C6orf136: variants seen among roughly 807,000 people sequenced by gnomAD.
C6orf136 encodes the protein chromosome 6 open reading frame 136.
A neutral mutation model predicts 44.0 loss-of-function variants in C6orf136; 29 were observed. That is an observed-to-expected ratio of 0.66 (90% CI 0.49 to 0.90). C6orf136 has a LOEUF of 0.90. C6orf136 is among the 40% of genes least tolerant of loss of function. The probability of loss-of-function intolerance (pLI) is 0.00; values close to 1 mark genes in which losing one functional copy is unlikely to be tolerated. For missense variants in C6orf136, 628 were observed against 669.3 expected (o/e 0.94, Z 0.68); for synonymous variants, 293 against 278.6 (o/e 1.05, Z -0.52).
At position 30,647,677 on chromosome 6, in the gene C6orf136, A is replaced by G; in HGVS notation, c.446A>G (p.Gln149Arg). Reference sequence around the variant, plus strand: ...GCGCCGTCCCGGAGTTCCCCGGCCCAGACCAGACCCGCGGGGCGCCCTCAG... The same window carrying G: ...GCGCCGTCCCGGAGTTCCCCGGCCCGGACCAGACCCGCGGGGCGCCCTCAG... ...AAAPSRSSPA[Q>R]TRPAGRPQQP... The change falls in exon 1 of 6, where the codon CAG (glutamine) becomes CGG (arginine). Residue 149 changes from glutamine (Q) to arginine (R), a missense_variant. Transcript: ENST00000651131. This position sits in a 1 kb window ranked among gnomAD's most constrained non-coding sequence, Gnocchi z 4.8. 6.5e-7 allele frequency: 1 copy of G among 1,550,138 alleles called. No individual in the cohort carries two copies.
At chr6:30,652,356 T>G (rs1190182939) in intron 4 of C6orf136, among the ~76,000 whole-genome samples, 2 of 151,622 alleles carry the variant, frequency 1.3e-5, no homozygotes, top group Admixed American at 6.6e-5. Context: ...CGCCTGGGAG[T>G]AGAATCCCAA....
intron 1 of C6orf136, among the ~76,000 whole-genome samples, chr6:30,648,124 A>G (rs1161195414): frequency 6.6e-6 from 1 of 152,212 alleles, no homozygotes; most frequent in Non-Finnish European, 1.5e-5. Context: ...CTCATAACCC[A>G]GTGAGGCTTT....
intron 2 of C6orf136, among the ~76,000 whole-genome samples, chr6:30,650,330 T>C (rs1338296579): frequency 2.2e-5 from 3 of 137,104 alleles, no homozygotes; most frequent in Non-Finnish European, 4.8e-5. Flanking sequence ...GGAGGCGCAG[T>C]GAAAGGAGAT....
intron 2 of C6orf136, among the ~76,000 whole-genome samples, 183 bp from the exon 3 acceptor site, chr6:30,650,811 C>T (rs1427028605): frequency 6.7e-6 from 1 of 149,818 alleles, no homozygotes; most frequent in East Asian, 1.9e-4. Flanking sequence ...ACTCGGGAGG[C>T]TGAGGCAGGA....
chr6:30,652,525 T>G, intron 4 of C6orf136, 123 bp from the exon 5 acceptor site: 1 of 847,980 alleles, frequency 1.2e-6, no homozygotes, highest in Non-Finnish European at 2.1e-6. Flanking sequence ...CTGAGATGTT[T>G]GTAAGTTGCC....
Position 30,647,255 on chromosome 6 carries a change from G to C in C6orf136, c.24G>C (p.Ala8=), listed in dbSNP as rs888870611. 6.3e-7 allele frequency: 1 copy of C among 1,596,586 alleles called. No individual in the cohort carries two copies. The highest frequency in any genetic ancestry group is 8.5e-7 in the Non-Finnish European group (1 of 1,174,224). ...TCATGTACCAGCCCAGCCGGGGTGC[G>C]GCCCGGCGTCTCGGCCCTTGCCTGC... MYQPSRG[A]ARRLGPCLRA... The change falls in exon 1 of 6, where the codon GCG becomes GCC. Residue 8 remains alanine (A), a synonymous_variant. Transcript: ENST00000651131. The surrounding 1 kb of genome is among the most constrained non-coding windows in gnomAD (Gnocchi z 4.8).
At chr6:30,651,577 G>C in intron 4 of C6orf136, 111 bp downstream of exon 4, 1 of 1,054,572 alleles carries the variant, frequency 9.5e-7, no homozygotes, top group Non-Finnish European at 1.4e-6. Flanking sequence ...CGTGATCTCA[G>C]CTCACTGCAG....
At chr6:30,649,991 A>G (rs201759726) in intron 2 of C6orf136, 32 bp downstream of exon 2, 33 of 1,596,212 alleles carry the variant, frequency 2.1e-5, no homozygotes, top group Non-Finnish European at 2.6e-5. Flanking sequence ...CTTCGTCTAC[A>G]GTGGGAAGGA....
rs528205837 is a variant in C6orf136 at position 30,647,799 on chromosome 6, C to T, written c.568C>T (p.His190Tyr). ...GPLRPGWQDG[H>Y]APSRDGASRT... is the part of the protein sequence containing the mutation. Reference sequence around the variant, plus strand: ...CCTGCGCCCGGGCTGGCAAGATGGCCACGCCCCCAGCAGAGACGGCGCCTC... The same window carrying T: ...CCTGCGCCCGGGCTGGCAAGATGGCTACGCCCCCAGCAGAGACGGCGCCTC... The change falls in exon 1 of 6, where the codon CAC becomes TAC. Residue 190 changes from histidine (H) to tyrosine (Y), a missense_variant. This residue lies in a region of C6orf136 where 497 missense variants were observed against 469.2 expected (regional missense o/e 1.06). Coordinates refer to ENST00000651131, the MANE Select transcript of C6orf136 (RefSeq NM_001161376.2). The surrounding 1 kb of genome is among the most constrained non-coding windows in gnomAD (Gnocchi z 4.8). The T allele has an allele frequency of 9.7e-6, 15 of 1,539,166 alleles. No individual in the cohort carries two copies. In the Admixed American group the frequency reaches 2.2e-4, roughly 22 times the overall value.
intron 1 of C6orf136, among the ~76,000 whole-genome samples, chr6:30,649,054 G>T (rs983307631): frequency 2.6e-4 from 40 of 151,172 alleles, no homozygotes; most frequent in Non-Finnish European, 4.1e-4. Flanking sequence ...GGAGGTGCCG[G>T]TATTTATGTC....
chr6:30,651,100 G>T lies in C6orf136; in HGVS notation c.1106+18G>T, dbSNP rs1561955964. On this transcript the variant is annotated intron_variant, in intron 3 of 5. Coordinates refer to ENST00000651131, the MANE Select transcript of C6orf136 (RefSeq NM_001161376.2). ...CGTACCAAGTGAGAATTGGGGCACA[G>T]GTAGGGCACTGGGGAGGAAAAGCAC... 1.2e-6 allele frequency: 2 copies of T among 1,607,956 alleles called. No individual in the cohort carries two copies. The highest frequency in any genetic ancestry group is 1.7e-6 in the Non-Finnish European group (2 of 1,174,442).
intron 4 of C6orf136, among the ~76,000 whole-genome samples, chr6:30,652,243 A>T (rs1430372475): frequency 6.7e-4 from 7 of 10,448 alleles, no homozygotes; most frequent in Non-Finnish European, 1.0e-3. Context: ...ACCCTGTCAC[A>T]CACACACACA....
chr6:30,649,683 C>T lies in C6orf136; in HGVS notation c.741C>T (p.Pro247=), dbSNP rs775963458. Residue 247 remains proline, a synonymous_variant, in exon 2 of 6, where the codon CCC becomes CCT. Transcript: ENST00000651131. ...CACGCCTTCCCACCCAGCGTCTTCCCCAGGTTCCCCCACTACCTCTCCCTC... is the reference window on the plus strand; with the variant it reads ...CACGCCTTCCCACCCAGCGTCTTCCTCAGGTTCCCCCACTACCTCTCCCTC... ...LPPRLPTQRL[P]QVPPLPLPQI... is the part of the protein sequence containing the mutation. 6.2e-7 allele frequency: 1 copy of T among 1,610,166 alleles called. No individual in the cohort carries two copies. The highest frequency in any genetic ancestry group is 1.3e-5 in the African/African-American group (1 of 74,572).
chr6:30,647,805 C>T lies in C6orf136; in HGVS notation c.574C>T (p.Pro192Ser). 6.5e-7 allele frequency: 1 copy of T among 1,535,164 alleles called. No homozygotes were observed. Among genetic ancestry groups the T allele is most frequent in the Non-Finnish European group, 8.8e-7 (1 of 1,142,232 alleles). Reference protein sequence around the residue: ...LRPGWQDGHAPSRDGASRTPS... With the variant: ...LRPGWQDGHASSRDGASRTPS... ...CCCGGGCTGGCAAGATGGCCACGCC[C>T]CCAGCAGAGACGGCGCCTCTAGGAC... Residue 192 changes from proline (P) to serine (S), a missense_variant, in exon 1 of 6, where the codon CCC (proline) becomes TCC (serine). Physicochemically the swap from Pro to Ser is moderately conservative, Grantham distance 74 (BLOSUM62 -1). Transcript: ENST00000651131. This position sits in a 1 kb window ranked among gnomAD's most constrained non-coding sequence, Gnocchi z 4.8.
At chr6:30,648,962 C>T (rs1324982518) in intron 1 of C6orf136, among the ~76,000 whole-genome samples, 1 of 150,892 alleles carries the variant, frequency 6.6e-6, no homozygotes, top group Non-Finnish European at 1.5e-5. Flanking sequence ...GACCCGAGTT[C>T]GCGCCAATGC....
rs754402953 is a variant in C6orf136, at chr6:30,652,788, C to G, written c.1378-14C>G. ...TGTGCCTCCCCCAACTGGCATTAAC[C>G]TTTCTCCCTGCAGCTGATGCCTTCA... On this transcript the variant is annotated splice_polypyrimidine_tract_variant and intron_variant, in intron 5 of 5. Coordinates refer to ENST00000651131, the MANE Select transcript of C6orf136 (RefSeq NM_001161376.2). The G allele has an allele frequency of 6.2e-7, 1 of 1,612,650 alleles. No individual in the cohort carries two copies. The highest frequency in any genetic ancestry group is 1.1e-5 in the South Asian group (1 of 91,080).
At chr6:30,649,001 G>C (rs1767156839) in intron 1 of C6orf136, among the ~76,000 whole-genome samples, 1 of 149,564 alleles carries the variant, frequency 6.7e-6, no homozygotes, top group African/African-American at 2.5e-5. Context: ...GTGAGACTTC[G>C]TCTCAAAAAA....
chr6:30,649,458 C>T, intron 1 of C6orf136, 100 bp from the exon 2 acceptor site: 1 of 1,040,408 alleles, frequency 9.6e-7, no homozygotes, highest in Admixed American at 2.7e-5. Context: ...TCCATTCTGT[C>T]AGGAGGAATA....
chr6:30,647,383 C>T lies in C6orf136; in HGVS notation c.152C>T (p.Ala51Val), dbSNP rs1766933943. 1 of 1,485,204 alleles carries T rather than the reference C, an allele frequency of 6.7e-7. No homozygotes were observed. The highest frequency in any genetic ancestry group is 2.4e-5 in the Admixed American group (1 of 41,274). The allele number at this position is 1,485,204 out of a possible 1,614,324, so 92.0% of individuals were successfully genotyped here. A position where few individuals can be genotyped will look rare whatever the true frequency, so the allele number is the denominator to read the frequency against. Residue 51 changes from alanine to valine, a missense_variant, in exon 1 of 6, where the codon GCG becomes GTG. Physicochemically the swap from Ala to Val is moderately conservative, Grantham distance 64. Around this residue, in one of 2 missense-constraint regions of C6orf136, gnomAD observed 497 missense variants for 469.2 expected, o/e 1.06. Transcript: ENST00000651131. The surrounding 1 kb of genome is among the most constrained non-coding windows in gnomAD (Gnocchi z 4.8). ...AAGCCGGTGCGTGGGGCGGAGCGCG[C>T]GCTGGGTTCCGCGCAGGCGCAGAGA... ...SSKPVRGAER[A>V]LGSAQAQRHP...
Sources: allele counts gnomAD v4.1 joint callset (sites outside exome capture counted in the v4.1 genomes callset), GRCh38; gene constraint gnomAD v4.1.1; regional missense constraint gnomAD v4.1.1; non-coding constraint Gnocchi (gnomAD v3.1); transcripts MANE v1.5; gene names NCBI Gene and HGNC (gene_info 2026-07-23, HGNC 2026-07-21).